Variants in SEL1L2 observed in about 807,000 individuals in gnomAD.
SEL1L2 encodes SEL1L2 adaptor subunit of SYVN1 ubiquitin ligase.
SEL1L2 carries 89 observed loss-of-function variants against 98.8 expected under a neutral mutation model. That is an observed-to-expected ratio of 0.90 (90% CI 0.76 to 1.07). The LOEUF (loss-of-function observed/expected upper bound fraction) is 1.07. Among genes scored for constraint, SEL1L2 ranks in the 50% least tolerant of loss-of-function variants. The pLI is 0.00. For synonymous variants in SEL1L2, 262 were observed against 278.5 expected, an observed-to-expected ratio of 0.94 and a Z score of 0.59; for missense variants, 788 against 812.0, an observed-to-expected ratio of 0.97 and a Z score of 0.36.
rs547457108 is a variant in SEL1L2, at chr20:13,967,815, TATA to T, written c.59-11687_59-11685del. The stretch of plus-strand genomic sequence containing the variant: ...GTTCCCTAGAGAGCCATCTCAGTCA[TATA>T]ATAATTGTAACATCCATACAGCAAG... On this transcript the variant is annotated intron_variant, in intron 1 of 19. Transcript: ENST00000284951. 1.8e-4 allele frequency among the ~76,000 whole-genome samples: 27 copies of T among 152,298 alleles called. No individual in the cohort carries two copies. The South Asian group carries it at 5.4e-3, about 30-fold the overall frequency.
intron 12 of SEL1L2, among the ~76,000 whole-genome samples, chr20:13,873,501 A>G (rs1462256593): frequency 1.3e-5 from 2 of 152,052 alleles, no homozygotes; most frequent in African/African-American, 2.4e-5. Flanking sequence ...AGCTGGGACT[A>G]TAGGCATGTG....
At chr20:13,911,814 G>T (rs551402315) in intron 5 of SEL1L2, among the ~76,000 whole-genome samples, 345 of 152,130 alleles carry the variant, frequency 2.3e-3, no homozygotes, top group African/African-American at 8.1e-3. Context: ...TATTCCAGAA[G>T]AATAATATTG....
chr20:13,964,009 T>C (rs572887282), intron 1 of SEL1L2, among the ~76,000 whole-genome samples: 10 of 152,080 alleles, frequency 6.6e-5, no homozygotes, highest in Admixed American at 5.9e-4. Context: ...GTAGTTGGGA[T>C]TACAGGCACG....
At chr20:13,944,534 C>G (rs2049924028) in intron 2 of SEL1L2, among the ~76,000 whole-genome samples, 1 of 152,068 alleles carries the variant, frequency 6.6e-6, no homozygotes, top group African/African-American at 2.4e-5. Flanking sequence ...ATTTACTGGC[C>G]TAGGAGATGT....
rs140543991 is a variant in SEL1L2, at chr20:13,979,120, C to A, written c.58+11357G>T. ...CGTCATTTTTGCAACATGGATGAGC[C>A]CAGAGGACATAATGTTAAGTGAAAT... On this transcript the variant is annotated intron_variant, in intron 1 of 19. Coordinates refer to ENST00000284951, the MANE Select transcript of SEL1L2 (RefSeq NM_025229.2). Among the ~76,000 whole-genome samples, 11 of 152,064 alleles carry A rather than the reference C, an allele frequency of 7.2e-5. No individual in the cohort carries two copies. The East Asian group carries it at 2.1e-3, about 29-fold the overall frequency.
At chr20:13,885,451 A>ATTTATTT in intron 9 of SEL1L2, 48 bp from the exon 10 acceptor site, 1 of 1,207,438 alleles carries the variant, frequency 8.3e-7, no homozygotes, top group Non-Finnish European at 1.2e-6. Flanking sequence ...TATTACTTTA[A>ATTTATTT]ATAAAGAAAA....
At chr20:13,952,052 C>T (rs911571050) in intron 2 of SEL1L2, among the ~76,000 whole-genome samples, 1 of 152,152 alleles carries the variant, frequency 6.6e-6, no homozygotes, top group Non-Finnish European at 1.5e-5. Context: ...CAAAGCCAAG[C>T]ACCATGCACC....
chr20:13,939,683 T>TTTTTTTTTTA (rs2049655662), intron 2 of SEL1L2, among the ~76,000 whole-genome samples: 3 of 133,682 alleles, frequency 2.2e-5, no homozygotes, highest in African/African-American at 5.5e-5. Flanking sequence ...TTTTTTTTTT[T>TTTTTTTTTTA]GAGACAGAGT....
chr20:13,943,961 G>A (rs2049897481), intron 2 of SEL1L2, among the ~76,000 whole-genome samples: 1 of 152,168 alleles, frequency 6.6e-6, no homozygotes, highest in South Asian at 2.1e-4. Flanking sequence ...TTAAGAGAGA[G>A]AGAGAGTAAG....
chr20:13,849,475 GATCCGC>G lies in SEL1L2; in HGVS notation c.*4_*9del, dbSNP rs2147672329. The G allele has an allele frequency of 1.9e-6, 3 of 1,613,528 alleles. No individual in the cohort carries two copies. The African/African-American group carries it at 4.0e-5, about 22-fold the overall frequency. On this transcript the variant is annotated 3_prime_UTR_variant, in exon 20 of 20. Coordinates refer to ENST00000284951, the MANE Select transcript of SEL1L2 (RefSeq NM_025229.2). The stretch of plus-strand genomic sequence containing the variant: ...GATTCCCGTGAGCAGGTTTTCCTGT[GATCCGC>G]ATCCTACCCATGGTGATTTCTAAGC...
chr20:13,963,600 C>T (rs2050887276), intron 1 of SEL1L2, among the ~76,000 whole-genome samples: 1 of 151,858 alleles, frequency 6.6e-6, no homozygotes, highest in African/African-American at 2.4e-5. Context: ...CTTGTAGTCC[C>T]AGCTATTCGG....
chr20:13,992,391 C>T (rs1245017306), upstream of SEL1L2, among the ~76,000 whole-genome samples: 1 of 151,962 alleles, frequency 6.6e-6, no homozygotes, highest in African/African-American at 2.4e-5. Context: ...GTCATCTCAG[C>T]TACTCGGGAG....
At chr20:13,990,450 G>C (rs1253454770) in intron 1 of SEL1L2, 27 bp downstream of exon 1, 1 of 1,522,492 alleles carries the variant, frequency 6.6e-7, no homozygotes, top group Non-Finnish European at 9.1e-7. Context: ...GACCCTCATA[G>C]AGAACTCTAA....
At chr20:13,932,911 A>G (rs1395997419) in intron 2 of SEL1L2, among the ~76,000 whole-genome samples, 1 of 152,098 alleles carries the variant, frequency 6.6e-6, no homozygotes, top group Non-Finnish European at 1.5e-5. Context: ...CATGTAAAGG[A>G]CTTTTTAAAA....
intron 2 of SEL1L2, among the ~76,000 whole-genome samples, chr20:13,951,840 G>A (rs944326061): frequency 2.0e-5 from 3 of 151,386 alleles, no homozygotes; most frequent in South Asian, 2.1e-4. Context: ...GCTTGTTCCT[G>A]TGAACCAACC....
At chr20:13,887,712 AT>A in intron 8 of SEL1L2, 56 bp downstream of exon 8, 1 of 1,124,226 alleles carries the variant, frequency 8.9e-7, no homozygotes, top group Non-Finnish European at 1.3e-6. Context: ...TTATTGATTT[AT>A]TTTTCTAATT....
chr20:13,989,380 G>A (rs113801667), intron 1 of SEL1L2, among the ~76,000 whole-genome samples: 3 of 152,054 alleles, frequency 2.0e-5, no homozygotes, highest in African/African-American at 7.2e-5. Context: ...GATTCCATAC[G>A]ATTTTCTGTA....
rs1988776637 is a variant in SEL1L2 at position 13,854,255 on chromosome 20, A to G, written c.1819-3936T>C. Among the ~76,000 whole-genome samples the G allele has an allele frequency of 2.6e-5, 4 of 152,208 alleles. No homozygotes were observed. The South Asian group carries it at 8.3e-4, about 32-fold the overall frequency. On this transcript the variant is annotated intron_variant, in intron 18 of 19. Transcript: ENST00000284951. Reference sequence around the variant, plus strand: ...AAAATACATGTTACCTAGTAGGTCTACATATATGTATTTGAAACTCTTCCC... The same window carrying G: ...AAAATACATGTTACCTAGTAGGTCTGCATATATGTATTTGAAACTCTTCCC...
intron 18 of SEL1L2, among the ~76,000 whole-genome samples, chr20:13,850,731 G>A (rs1988111060): frequency 6.6e-6 from 1 of 152,160 alleles, no homozygotes; most frequent in Admixed American, 6.5e-5. Context: ...GAACAGCCTT[G>A]ATTTTAGCCT....
Sources: allele counts gnomAD v4.1 joint callset (sites outside exome capture counted in the v4.1 genomes callset), GRCh38; gene constraint gnomAD v4.1.1; transcripts MANE v1.5; gene names NCBI Gene and HGNC (gene_info 2026-07-23, HGNC 2026-07-21).